CDH13: variants seen among roughly 807,000 people sequenced by gnomAD.
The protein encoded by CDH13 is cadherin 13, also known as cadherin-13.
A neutral mutation model predicts 63.8 loss-of-function variants in CDH13; 24 were observed. The ratio of observed to expected loss-of-function variants is 0.38; its 90% CI spans 0.27 to 0.53. The LOEUF is 0.53. CDH13 is among the 20% of genes least tolerant of loss of function. The probability of loss-of-function intolerance (pLI) is 0.85; values close to 1 mark genes in which losing one functional copy is unlikely to be tolerated. For missense variants in CDH13, 1,049 were observed against 903.1 expected (o/e 1.16, Z -2.07); for synonymous variants, 503 against 355.3 (o/e 1.42, Z -4.67).
At chr16:82,902,154 G>A (rs2041492962) in intron 2 of CDH13, among the ~76,000 whole-genome samples, 1 of 152,130 alleles carries the variant, frequency 6.6e-6, no homozygotes, top group African/African-American at 2.4e-5. Flanking sequence ...TGATGGATGT[G>A]AGGTGATTTG....
At chr16:83,729,616 C>A (rs1320998131) in intron 10 of CDH13, among the ~76,000 whole-genome samples, 5 of 152,168 alleles carry the variant, frequency 3.3e-5, no homozygotes, top group Non-Finnish European at 5.9e-5. Context: ...CTACTTAGTC[C>A]CTCACCACCT....
At chr16:83,755,785 G>A (rs750977586) in intron 11 of CDH13, among the ~76,000 whole-genome samples, 2 of 151,438 alleles carry the variant, frequency 1.3e-5, no homozygotes, top group South Asian at 4.2e-4. Context: ...TTGCAAGCAG[G>A]TTTATGCCTT....
At chr16:83,234,805 C>G (rs757313045) in intron 5 of CDH13, among the ~76,000 whole-genome samples, 1 of 152,200 alleles carries the variant, frequency 6.6e-6, no homozygotes. Flanking sequence ...AGGAAAGTGT[C>G]TGGAAAAAGG....
chr16:83,314,721 T>G (rs1434090129), intron 5 of CDH13, among the ~76,000 whole-genome samples: 2 of 152,240 alleles, frequency 1.3e-5, no homozygotes, highest in African/African-American at 2.4e-5. Context: ...ATAGGCGATT[T>G]TACTGATTTC....
At chr16:83,009,462 C>G (rs533230730) in intron 2 of CDH13, among the ~76,000 whole-genome samples, 1 of 152,148 alleles carries the variant, frequency 6.6e-6, no homozygotes, top group African/African-American at 2.4e-5. Flanking sequence ...TACATTCTCT[C>G]ACTTTTTTTC....
intron 7 of CDH13, among the ~76,000 whole-genome samples, chr16:83,527,179 C>G (rs113547762): frequency 0.055 from 8,408 of 151,712 alleles, 785 homozygotes; most frequent in African/African-American, 0.19. Flanking sequence ...GCTGGGCGTG[C>G]TGGCTCACAC....
chr16:83,718,949 G>A (rs944886164), intron 10 of CDH13, among the ~76,000 whole-genome samples: 2 of 152,198 alleles, frequency 1.3e-5, no homozygotes, highest in African/African-American at 4.8e-5. Flanking sequence ...TCAGCCTGCT[G>A]CATAGATGAG....
At chr16:83,519,176 G>T (rs62042281) in intron 7 of CDH13, among the ~76,000 whole-genome samples, 4,332 of 152,258 alleles carry the variant, frequency 0.028, 79 homozygotes, top group Middle Eastern at 0.13. Context: ...AGGTTAGGAG[G>T]CAGTTCCTAC....
At chr16:83,164,807 C>G (rs1395981649) in intron 4 of CDH13, among the ~76,000 whole-genome samples, 2 of 150,944 alleles carry the variant, frequency 1.3e-5, no homozygotes, top group African/African-American at 2.4e-5. Flanking sequence ...ATAACCAATG[C>G]TATTTATTAA....
intron 1 of CDH13, among the ~76,000 whole-genome samples, chr16:82,820,978 G>C (rs2037978176): frequency 6.6e-6 from 1 of 152,144 alleles, no homozygotes; most frequent in Non-Finnish European, 1.5e-5. Context: ...AGAGCTTGGT[G>C]ACTTTTAACA....
intron 2 of CDH13, among the ~76,000 whole-genome samples, chr16:82,936,168 C>A (rs938490396): frequency 1.3e-5 from 2 of 152,118 alleles, no homozygotes; most frequent in African/African-American, 4.8e-5. Context: ...GTCCTTAGTT[C>A]CTGCCAGCAT....
At chr16:83,764,574 G>C (rs1402715698) in intron 11 of CDH13, among the ~76,000 whole-genome samples, 1 of 152,046 alleles carries the variant, frequency 6.6e-6, no homozygotes, top group Admixed American at 6.6e-5. Context: ...CATCTACCCA[G>C]TCCTCAAGCA....
At chr16:82,966,727 C>A (rs1907892543) in intron 2 of CDH13, among the ~76,000 whole-genome samples, 1 of 152,188 alleles carries the variant, frequency 6.6e-6, no homozygotes, top group African/African-American at 2.4e-5. Flanking sequence ...CATATTATCA[C>A]ATTTACTTAA....
At chr16:83,192,846 G>A (rs1475016025) in intron 4 of CDH13, among the ~76,000 whole-genome samples, 1 of 152,102 alleles carries the variant, frequency 6.6e-6, no homozygotes, top group African/African-American at 2.4e-5. Context: ...AATCGACTCG[G>A]GGCGAACAGT....
chr16:83,300,888 A>C (rs2151875549), intron 5 of CDH13, among the ~76,000 whole-genome samples: 1 of 152,312 alleles, frequency 6.6e-6, no homozygotes, highest in South Asian at 2.1e-4. Context: ...GTAGTTCGTT[A>C]AAGAAGACGT....
chr16:82,737,425 T>A (rs2033728491), intron 1 of CDH13, among the ~76,000 whole-genome samples: 1 of 152,194 alleles, frequency 6.6e-6, no homozygotes, highest in South Asian at 2.1e-4. Flanking sequence ...TACCACAGCG[T>A]CTGTTTTACC....
In CDH13 at chr16:82,725,998, C is replaced by G. The variant is rs8062180; in HGVS notation, c.45+98861C>G. ...AAACCTTTGGTGCACAGAGGGTGGC[C>G]GTGCCATTCAAGCAGTCCGTGATGG... is the stretch of plus-strand genomic sequence containing the variant. On this transcript the variant is annotated intron_variant, in intron 1 of 13. Transcript: ENST00000567109. Among the ~76,000 whole-genome samples the G allele has an allele frequency of 6.3e-3, 962 of 152,138 alleles. 5 individuals carry two copies. The highest frequency in any genetic ancestry group is 0.02 in the Middle Eastern group (6 of 294).
At chr16:83,526,185 A>C (rs555662045) in intron 7 of CDH13, among the ~76,000 whole-genome samples, 60 of 152,350 alleles carry the variant, frequency 3.9e-4, no homozygotes, top group African/African-American at 1.3e-3. Context: ...AAGGTCAGCC[A>C]GTCATCAGAG....
intron 7 of CDH13, among the ~76,000 whole-genome samples, chr16:83,548,589 C>A (rs911006788): frequency 1.3e-5 from 2 of 152,096 alleles, no homozygotes; most frequent in African/African-American, 4.8e-5. Context: ...ATTGGGACCC[C>A]GGATAGCCAG....
Sources: gnomAD v4.1 joint callset for allele counts (sites outside exome capture counted in the v4.1 genomes callset) on GRCh38, gnomAD v4.1.1 for gene constraint, MANE v1.5 for transcripts, NCBI Gene and HGNC (gene_info 2026-07-23, HGNC 2026-07-21) for gene names.